ZNF565: variants seen among roughly 807,000 people sequenced by gnomAD.
ZNF565 encodes zinc finger protein 565.
A neutral mutation model predicts 39.4 loss-of-function variants in ZNF565; 27 were observed. The ratio of observed to expected loss-of-function variants is 0.69; its 90% CI spans 0.51 to 0.95. ZNF565 has a LOEUF of 0.95. Ranked by LOEUF, ZNF565 falls within the 40% of genes least tolerant of loss-of-function variation. The probability of loss-of-function intolerance (pLI) is 0.00; values close to 1 mark genes in which losing one functional copy is unlikely to be tolerated. For missense variants in ZNF565, 524 were observed against 621.1 expected, an observed-to-expected ratio of 0.84 and a Z score of 1.66; for synonymous variants, 185 against 216.6, an observed-to-expected ratio of 0.85 and a Z score of 1.28.
At chr19:36,197,868 C>A (rs1329865841) in intron 2 of ZNF565, among the ~76,000 whole-genome samples, 3 of 152,032 alleles carry the variant, frequency 2.0e-5, no homozygotes, top group East Asian at 3.9e-4. Context: ...AATCAGTAGG[C>A]CAGGCGTGGT....
intron 4 of ZNF565, among the ~76,000 whole-genome samples, chr19:36,186,186 A>G (rs1474532028): frequency 6.6e-6 from 1 of 152,004 alleles, no homozygotes; most frequent in Non-Finnish European, 1.5e-5. Context: ...TATTAGAGAC[A>G]AGGTTTCACC....
At chr19:36,194,647 C>A in intron 3 of ZNF565, 1 of 464,904 alleles carries the variant, frequency 2.2e-6, no homozygotes, top group Non-Finnish European at 3.9e-6. Context: ...CCTCCTTCCC[C>A]TCCAATCTAT....
Position 36,182,722 on chromosome 19 carries a change from C to A in ZNF565, c.1244G>T (p.Gly415Val), listed in dbSNP as rs766587194. 1 of 1,614,120 alleles carries A rather than the reference C, an allele frequency of 6.2e-7. No individual in the cohort carries two copies. Among genetic ancestry groups the A allele is most frequent in the South Asian group, 1.1e-5 (1 of 91,082 alleles). The change falls in exon 5 of 5, where the codon GGT (glycine) becomes GTT (valine). Residue 415 changes from glycine (G) to valine (V), a missense_variant. Physicochemically the swap from Gly to Val is moderately radical, Grantham distance 109. Coordinates refer to ENST00000304116, the MANE Select transcript of ZNF565 (RefSeq NM_152477.5). ...TTCCTTACATTCGTAGGGTTTGTCA[C>A]CTGTATGAATTCTTTGATGTTGAAT... ...YLIQHQRIHTGDKPYECKECG... is the reference protein window; with the variant it reads ...YLIQHQRIHTVDKPYECKECG...
intron 1 of ZNF565, among the ~76,000 whole-genome samples, chr19:36,224,674 TC>T (rs1323284031): frequency 1.3e-5 from 2 of 152,248 alleles, no homozygotes; most frequent in Non-Finnish European, 2.9e-5. Flanking sequence ...TTAGCTTGTC[TC>T]GTTCCAGAGG....
intron 1 of ZNF565, among the ~76,000 whole-genome samples, chr19:36,212,056 A>C (rs1214551399): frequency 6.6e-6 from 1 of 152,234 alleles, no homozygotes; most frequent in East Asian, 1.9e-4. Context: ...GTCTTAACCA[A>C]GCGGTTAAAA....
intron 1 of ZNF565, among the ~76,000 whole-genome samples, chr19:36,213,689 AT>A (rs34943234): frequency 3.6e-3 from 485 of 133,274 alleles, no homozygotes; most frequent in Middle Eastern, 8.0e-3. Flanking sequence ...CCAGCCATTA[AT>A]TTTTTTTTTT....
In ZNF565 at chr19:36,230,361, A is replaced by G. The variant is rs1332074025; in HGVS notation, c.55+15115T>C. Among the ~76,000 whole-genome samples, 5 of 152,202 alleles carry G rather than the reference A, an allele frequency of 3.3e-5. No individual in the cohort carries two copies. The South Asian group carries it at 6.2e-4, about 19-fold the overall frequency. On this transcript the variant is annotated intron_variant, in intron 1 of 4. Transcript: ENST00000355114. Reference sequence around the variant, plus strand: ...AAACAGTCAAAAATTTCTTCCTCCTAGGGACGGTGTTATAATGGGGAGACA... The same window carrying G: ...AAACAGTCAAAAATTTCTTCCTCCTGGGGACGGTGTTATAATGGGGAGACA...
upstream of ZNF565, chr19:36,218,110 TTTA>T (rs55832175): frequency 0.36 from 52,730 of 145,938 alleles, 9,956 homozygotes; most frequent in Middle Eastern, 0.48. Flanking sequence ...TTTTTTTTTT[TTTA>T]AATTAAAGGA....
chr19:36,183,283 C>T lies in ZNF565; in HGVS notation c.683G>A (p.Cys228Tyr). The T allele has an allele frequency of 1.9e-6, 3 of 1,614,172 alleles. No individual in the cohort carries two copies. Among genetic ancestry groups the T allele is most frequent in the Non-Finnish European group, 2.5e-6 (3 of 1,180,042 alleles). Residue 228 changes from cysteine to tyrosine, a missense_variant, in exon 5 of 5, where the codon TGT becomes TAT. By Grantham distance (194) the Cys-to-Tyr change is radical. Transcript: ENST00000304116. The part of the protein sequence containing the change: ...TGEKPYDCKD[C>Y]GKAFGRTSEL... ...TGATGTACGACCAAAGGCCTTCCCA[C>T]AGTCCTTACAGTCATAAGGTTTCTC...
intron 1 of ZNF565, among the ~76,000 whole-genome samples, chr19:36,206,717 A>T (rs1373805980): frequency 2.0e-5 from 3 of 152,138 alleles, no homozygotes; most frequent in Non-Finnish European, 2.9e-5. Flanking sequence ...CTGTAATCCC[A>T]GCTACTCAGG....
chr19:36,211,958 C>T (rs756916853), intron 1 of ZNF565, among the ~76,000 whole-genome samples: 4 of 152,154 alleles, frequency 2.6e-5, no homozygotes, highest in Non-Finnish European at 4.4e-5. Context: ...GGGATATTCA[C>T]ATAGGCTTAA....
intron 1 of ZNF565, among the ~76,000 whole-genome samples, chr19:36,211,796 A>G (rs1976370200): frequency 6.9e-6 from 1 of 145,524 alleles, no homozygotes; most frequent in Non-Finnish European, 1.6e-5. Context: ...CTGTCTCAAA[A>G]AAAACAAAAA....
chr19:36,207,062 C>A (rs950224200), intron 1 of ZNF565, among the ~76,000 whole-genome samples: 1 of 152,050 alleles, frequency 6.6e-6, no homozygotes, highest in Non-Finnish European at 1.5e-5. Context: ...GCAGGCTTTC[C>A]TCGATCAACA....
At chr19:36,192,191 A>G (rs948731174) in intron 4 of ZNF565, among the ~76,000 whole-genome samples, 15 of 151,540 alleles carry the variant, frequency 9.9e-5, no homozygotes, top group Non-Finnish European at 2.1e-4. Context: ...GTTTCACCAT[A>G]TTGGCCAGGC....
intron 1 of ZNF565, among the ~76,000 whole-genome samples, chr19:36,221,089 A>G (rs11878240): frequency 0.042 from 6,200 of 149,282 alleles, 400 homozygotes; most frequent in African/African-American, 0.14. Context: ...CTGACTTCCT[A>G]CTCGTCTTGG....
intron 1 of ZNF565, among the ~76,000 whole-genome samples, chr19:36,243,813 C>A (rs1484128771): frequency 1.3e-5 from 2 of 151,576 alleles, no homozygotes; most frequent in Non-Finnish European, 2.9e-5. Context: ...GTGATTCTCC[C>A]ACCTCAGCCT....
chr19:36,211,370 G>C (rs1976349163), intron 1 of ZNF565, among the ~76,000 whole-genome samples: 1 of 151,568 alleles, frequency 6.6e-6, no homozygotes, highest in Non-Finnish European at 1.5e-5. Context: ...TTGAATCCAG[G>C]AGGCAGAGGC....
rs1435811043 is a variant in ZNF565 at position 36,228,175 on chromosome 19, AAAG to A, written c.55+17298_55+17300del. Among the ~76,000 whole-genome samples, 18 of 86,092 alleles carry A rather than the reference AAAG, an allele frequency of 2.1e-4. No homozygotes were observed. In the South Asian group the frequency reaches 3.7e-3, roughly 18 times the overall value. 56.5% of individuals were successfully genotyped at this position (86,092 alleles called of 152,430 possible). A position where few individuals can be genotyped will look rare whatever the true frequency, so the allele number is the denominator to read the frequency against. On this transcript the variant is annotated intron_variant, in intron 1 of 4. Transcript: ENST00000355114. ...AACTGTCTCAAAAAAAAAAAAAAAA[AAAG>A]AAAGAATTTCACTCTCAGTATAATG...
At chr19:36,237,351 C>T in intron 1 of ZNF565, 1 of 1,553,818 alleles carries the variant, frequency 6.4e-7, no homozygotes, top group East Asian at 2.3e-5. Flanking sequence ...AGTGGGAAAG[C>T]TTTCATTAGA....
Sources: gnomAD v4.1 joint callset for allele counts (sites outside exome capture counted in the v4.1 genomes callset) on GRCh38, gnomAD v4.1.1 for gene constraint, MANE v1.5 for transcripts, NCBI Gene and HGNC (gene_info 2026-07-23, HGNC 2026-07-21) for gene names.